Variants in UTRN observed in about 807,000 individuals in gnomAD.
UTRN encodes dystrophin-related protein 1.
Under a neutral mutation model 463.9 loss-of-function variants are expected in UTRN, and 283 were observed. The observed-to-expected ratio is 0.61, with a 90% CI of 0.55 to 0.67. The LOEUF is 0.67. Among genes scored for constraint, UTRN ranks in the 30% least tolerant of loss-of-function variants. UTRN has a pLI of 0.00. For synonymous variants in UTRN, 1,442 were observed against 1,431.5 expected, an observed-to-expected ratio of 1.01 and a Z score of -0.17; for missense variants, 3,922 against 4,084.3, an observed-to-expected ratio of 0.96 and a Z score of 1.08.
At chr6:144,341,979 G>A (rs971853241) in intron 2 of UTRN, among the ~76,000 whole-genome samples, 1 of 152,218 alleles carries the variant, frequency 6.6e-6, no homozygotes, top group African/African-American at 2.4e-5. Context: ...CTTCAGCATT[G>A]TAGCCAGTAT....
intron 2 of UTRN, among the ~76,000 whole-genome samples, chr6:144,319,201 A>G (rs536488851): frequency 6.6e-6 from 1 of 150,870 alleles, no homozygotes; most frequent in East Asian, 2.0e-4. Flanking sequence ...CATGAATTTT[A>G]CTCTTTTAAT....
intron 2 of UTRN, among the ~76,000 whole-genome samples, chr6:144,331,182 T>C (rs1776307428): frequency 6.6e-6 from 1 of 152,172 alleles, no homozygotes; most frequent in Admixed American, 6.5e-5. Flanking sequence ...TAAAAGACGT[T>C]TTTTCTAAAT....
intron 5 of UTRN, 49 bp from the exon 6 acceptor site, chr6:144,423,937 A>G (rs77374090): frequency 6.3e-7 from 1 of 1,576,626 alleles, no homozygotes; most frequent in African/African-American, 1.4e-5. Flanking sequence ...TCTGTGAAGA[A>G]ATTGTCTTAA....
chr6:144,724,620 C>T (rs904957354), intron 53 of UTRN, among the ~76,000 whole-genome samples: 3 of 151,816 alleles, frequency 2.0e-5, no homozygotes, highest in African/African-American at 4.8e-5. Context: ...CCTTAAGCAA[C>T]GAGTAATCTA....
At chr6:144,447,848 A>G (rs1413566238) in intron 16 of UTRN, 67 bp downstream of exon 16, 11 of 1,480,432 alleles carry the variant, frequency 7.4e-6, no homozygotes, top group Non-Finnish European at 9.9e-6. Flanking sequence ...TGTTCAGGTT[A>G]GTTTTAATTT....
At chr6:144,476,637 C>T (rs998674121) in intron 25 of UTRN, among the ~76,000 whole-genome samples, 11 of 152,172 alleles carry the variant, frequency 7.2e-5, no homozygotes, top group East Asian at 1.9e-4. Flanking sequence ...AAATCAGTAA[C>T]GGGGAATGTG....
intron 54 of UTRN, among the ~76,000 whole-genome samples, chr6:144,739,547 G>T (rs1360278761): frequency 6.6e-6 from 1 of 152,042 alleles, no homozygotes; most frequent in Non-Finnish European, 1.5e-5. Context: ...ATTAATTGGA[G>T]CCTCATTCAT....
intron 32 of UTRN, 94 bp from the exon 33 acceptor site, chr6:144,493,207 C>A: frequency 8.0e-7 from 1 of 1,248,572 alleles, no homozygotes; most frequent in Non-Finnish European, 1.1e-6. Flanking sequence ...TAGGTCTTGG[C>A]TGTCAATCTG....
Position 144,423,606 on chromosome 6 carries a change from CAG to C in UTRN, c.293_294del (p.Gln98ArgfsTer16). ...HALNNVNRVL[Q>X]VLHQNNVELV... ...CTTAAATAACGTCAACAGAGTGCTGCAGGTTTTACATCAGAACAATGTAAGTG... is the reference window on the plus strand; with the variant it reads ...CTTAAATAACGTCAACAGAGTGCTGCGTTTTACATCAGAACAATGTAAGTG... On this transcript the variant is annotated frameshift_variant, in exon 5 of 75. Coordinates refer to ENST00000367545, the MANE Select transcript of UTRN (RefSeq NM_007124.3). LOFTEE classifies it high-confidence loss of function. 1 of 1,614,208 alleles carries C rather than the reference CAG, an allele frequency of 6.2e-7. No homozygotes were observed. Among genetic ancestry groups the C allele is most frequent in the Non-Finnish European group, 8.5e-7 (1 of 1,180,046 alleles).
At chr6:144,583,781 T>C (rs1316884268) in intron 51 of UTRN, among the ~76,000 whole-genome samples, 1 of 152,252 alleles carries the variant, frequency 6.6e-6, no homozygotes, top group African/African-American at 2.4e-5. Context: ...AAACAGGTTT[T>C]AGTTTTAGTA....
chr6:144,451,623 A>G (rs1788312271), intron 18 of UTRN, 130 bp downstream of exon 18: 1 of 1,087,464 alleles, frequency 9.2e-7, no homozygotes, highest in South Asian at 1.9e-5. Flanking sequence ...GGTAGCTTTT[A>G]GTACATTGTA....
intron 28 of UTRN, 123 bp from the exon 29 acceptor site, chr6:144,487,425 T>C: frequency 9.9e-7 from 1 of 1,007,940 alleles, no homozygotes; most frequent in Non-Finnish European, 1.3e-6. Context: ...CTTTTGGTCC[T>C]GTTACTTAGG....
chr6:144,797,826 T>A lies in UTRN; in HGVS notation c.9081T>A (p.Asn3027Lys), dbSNP rs551841088. 4 of 1,612,658 alleles carry A rather than the reference T, an allele frequency of 2.5e-6. No homozygotes were observed. In the African/African-American group the frequency reaches 5.3e-5, roughly 22 times the overall value. The change falls in exon 64 of 75, where the codon AAT becomes AAA. Residue 3027 changes from asparagine (N) to lysine (K), a missense_variant and splice_region_variant. By Grantham distance (94) the Asn-to-Lys change is moderately conservative. Transcript: ENST00000367545. The stretch of plus-strand genomic sequence containing the variant: ...TAATATATTTCTTTTTTCACCAGAA[T>A]AACAATAAACCAGAAATAAGTGTGA... ...EPSVRSCFQQ[N>K]NNKPEISVKE...
At chr6:144,565,678 G>T (rs1014237950) in intron 50 of UTRN, among the ~76,000 whole-genome samples, 2 of 152,172 alleles carry the variant, frequency 1.3e-5, no homozygotes, top group African/African-American at 4.8e-5. Context: ...GGATTGAATT[G>T]GGCTGAATAA....
At chr6:144,387,485 T>C (rs1490019603) in intron 2 of UTRN, among the ~76,000 whole-genome samples, 2 of 152,232 alleles carry the variant, frequency 1.3e-5, no homozygotes, top group Admixed American at 6.5e-5. Context: ...AATACTTGAA[T>C]TTATTGCAAA....
intron 51 of UTRN, among the ~76,000 whole-genome samples, chr6:144,663,355 C>T (rs1025971037): frequency 3.4e-5 from 5 of 148,236 alleles, no homozygotes; most frequent in Admixed American, 2.7e-4. Context: ...TCCACCAACA[C>T]ACCTCTCTGA....
intron 2 of UTRN, among the ~76,000 whole-genome samples, chr6:144,345,414 C>T (rs1218335509): frequency 6.6e-6 from 1 of 152,148 alleles, no homozygotes; most frequent in East Asian, 1.9e-4. Context: ...ATGGCTCATA[C>T]CTGTAATCCA....
intron 71 of UTRN, among the ~76,000 whole-genome samples, chr6:144,838,001 G>A (rs1279935515): frequency 2.6e-5 from 4 of 152,156 alleles, no homozygotes; most frequent in East Asian, 3.9e-4. Context: ...TTCATTCCGC[G>A]AACTTGAAGT....
Position 144,514,654 on chromosome 6 carries a change from T to C in UTRN, c.5078T>C (p.Leu1693Ser). 6.2e-7 allele frequency: 1 copy of C among 1,611,408 alleles called. No individual in the cohort carries two copies. Among genetic ancestry groups the C allele is most frequent in the South Asian group, 1.1e-5 (1 of 90,334 alleles). Residue 1693 changes from leucine (L) to serine (S), a missense_variant, in exon 37 of 75, where the codon TTA (leucine) becomes TCA (serine). This residue lies in a region of UTRN where 2,349 missense variants were observed against 2,303.8 expected (regional missense o/e 1.02). Transcript: ENST00000367545. ...TTTGTGTTTTCTTATAATTAGCGTTTAGTATCTGAGCTGGATGATGCCAAC... is the reference window on the plus strand; with the variant it reads ...TTTGTGTTTTCTTATAATTAGCGTTCAGTATCTGAGCTGGATGATGCCAAC... ...TSKQEEIVKR[L>S]VSELDDANLQ... is the part of the protein sequence containing the mutation.
Sources: allele counts gnomAD v4.1 joint callset (sites outside exome capture counted in the v4.1 genomes callset), GRCh38; gene constraint gnomAD v4.1.1; regional missense constraint gnomAD v4.1.1; transcripts MANE v1.5; gene names NCBI Gene and HGNC (gene_info 2026-07-23, HGNC 2026-07-21).